Variants in RNF145 observed in about 807,000 individuals in gnomAD.
The protein encoded by RNF145 is ring finger protein 145.
In RNF145, 12 loss-of-function variants were observed where a neutral mutation model predicts 57.3. The ratio of observed to expected loss-of-function variants is 0.21; its 90% confidence interval spans 0.13 to 0.34. The LOEUF (loss-of-function observed/expected upper bound fraction) is 0.34. RNF145 is among the 10% of genes least tolerant of loss of function. The pLI is 1.00. For missense variants in RNF145, 429 were observed against 799.0 expected (o/e 0.54, Z 5.58); for synonymous variants, 262 against 288.3 (o/e 0.91, Z 0.92).
chr5:159,195,688 T>C (rs1011271853), intron 2 of RNF145, among the ~76,000 whole-genome samples: 1 of 152,186 alleles, frequency 6.6e-6, no homozygotes, highest in African/African-American at 2.4e-5. Flanking sequence ...GGAAATTTGG[T>C]TCCTAAACAA....
At chr5:159,163,809 G>A (rs1784307830) in intron 8 of RNF145, among the ~76,000 whole-genome samples, 1 of 152,120 alleles carries the variant, frequency 6.6e-6, no homozygotes, top group Admixed American at 6.5e-5. Context: ...CATAAACCAA[G>A]CTGCTTATTA....
At chr5:159,180,036 T>C (rs1784838583) in intron 4 of RNF145, among the ~76,000 whole-genome samples, 1 of 152,054 alleles carries the variant, frequency 6.6e-6, no homozygotes, top group African/African-American at 2.4e-5. Flanking sequence ...GGCTGGCTTC[T>C]TTCTCTTTTT....
chr5:159,172,429 C>T (rs537082455), intron 6 of RNF145, among the ~76,000 whole-genome samples: 3 of 151,686 alleles, frequency 2.0e-5, no homozygotes, highest in South Asian at 2.1e-4. Flanking sequence ...TGCAGTGAGC[C>T]GAGATTGTGC....
At chr5:159,191,704 A>C (rs953989564) in intron 3 of RNF145, among the ~76,000 whole-genome samples, 1 of 152,212 alleles carries the variant, frequency 6.6e-6, no homozygotes, top group Non-Finnish European at 1.5e-5. Flanking sequence ...AGGCAGGAGA[A>C]TCACTTGAGC....
intron 6 of RNF145, among the ~76,000 whole-genome samples, chr5:159,170,715 C>T (rs1054910779): frequency 6.6e-6 from 1 of 152,180 alleles, no homozygotes; most frequent in African/African-American, 2.4e-5. Flanking sequence ...TCACTTCAGC[C>T]TCCCAAGTAG....
At chr5:159,164,206 AGT>A (rs1449354476) in intron 8 of RNF145, among the ~76,000 whole-genome samples, 1 of 152,160 alleles carries the variant, frequency 6.6e-6, no homozygotes, top group Non-Finnish European at 1.5e-5. Context: ...TACTTTGGAA[AGT>A]GTTTTACATT....
At position 159,176,884 on chromosome 5, in the gene RNF145, A is replaced by G. The variant is rs747851287; in HGVS notation, c.386-17T>C. ...CCAACTGACCTAAAATAGGGAATAG[A>G]ATACATTTAATTTTGAGTATTTGGC... On this transcript the variant is annotated splice_polypyrimidine_tract_variant and intron_variant, in intron 4 of 10. Coordinates refer to ENST00000424310, the MANE Select transcript of RNF145 (RefSeq NM_001199383.2). 6.9e-7 allele frequency: 1 copy of G among 1,459,470 alleles called. No individual in the cohort carries two copies. The highest frequency in any genetic ancestry group is 1.2e-5 in the South Asian group (1 of 81,884). 90.4% of individuals were successfully genotyped at this position (1,459,470 alleles called of 1,614,324 possible).
intron 1 of RNF145, among the ~76,000 whole-genome samples, chr5:159,205,562 A>T (rs1420174532): frequency 6.6e-6 from 1 of 152,212 alleles, no homozygotes; most frequent in Non-Finnish European, 1.5e-5. Context: ...TTGGTGAGCA[A>T]ACTGATAACC....
chr5:159,199,389 G>A (rs1284014258), intron 2 of RNF145, among the ~76,000 whole-genome samples: 9 of 140,874 alleles, frequency 6.4e-5, no homozygotes, highest in Non-Finnish European at 6.2e-5. Flanking sequence ...GAAAAATCAG[G>A]AAAAAAAAAA....
At chr5:159,193,458 T>A (rs1785354371) in intron 3 of RNF145, among the ~76,000 whole-genome samples, 1 of 152,114 alleles carries the variant, frequency 6.6e-6, no homozygotes, top group Admixed American at 6.5e-5. Flanking sequence ...GAGAAACAAT[T>A]AGACAAAACA....
At chr5:159,171,667 G>C (rs1175480593) in intron 6 of RNF145, among the ~76,000 whole-genome samples, 1 of 151,942 alleles carries the variant, frequency 6.6e-6, no homozygotes, top group Non-Finnish European at 1.5e-5. Context: ...TTTGCAGTTT[G>C]ATCTGGTGTG....
intron 2 of RNF145, among the ~76,000 whole-genome samples, chr5:159,197,739 T>C (rs1222211589): frequency 1.3e-5 from 2 of 152,218 alleles, no homozygotes; most frequent in Admixed American, 6.5e-5. Flanking sequence ...GCAAAGCTGT[T>C]AGTTTTTAAA....
chr5:159,169,847 G>T, intron 6 of RNF145, 28 bp from the exon 7 acceptor site: 1 of 1,569,996 alleles, frequency 6.4e-7, no homozygotes, highest in Non-Finnish European at 8.6e-7. Flanking sequence ...GAAATTAACA[G>T]ACATAAACTT....
chr5:159,176,173 T>A (rs551930135), intron 5 of RNF145, among the ~76,000 whole-genome samples: 2 of 152,270 alleles, frequency 1.3e-5, no homozygotes, highest in South Asian at 4.1e-4. Context: ...AGTAGGACTA[T>A]AATCAGAAGG....
intron 3 of RNF145, among the ~76,000 whole-genome samples, chr5:159,191,724 A>G (rs1379520580): frequency 1.3e-5 from 2 of 152,318 alleles, no homozygotes; most frequent in East Asian, 3.9e-4. Flanking sequence ...CCTGGGAGGC[A>G]GAGGTTGCAG....
At chr5:159,163,830 C>G (rs1305169777) in intron 8 of RNF145, among the ~76,000 whole-genome samples, 4 of 152,288 alleles carry the variant, frequency 2.6e-5, no homozygotes, top group East Asian at 1.9e-4. Flanking sequence ...ACTAACTGCC[C>G]TCTCAGCAAA....
In RNF145 at chr5:159,174,053, T is replaced by C. The variant is rs1377939347; in HGVS notation, c.727A>G (p.Ile243Val). Residue 243 changes from isoleucine to valine, a missense_variant, in exon 6 of 11, where the codon ATT becomes GTT. By Grantham distance (29) the Ile-to-Val change is conservative. Around this residue, in one of 4 missense-constraint regions of RNF145, gnomAD observed 216 missense variants for 457.6 expected, o/e 0.47. Coordinates refer to ENST00000424310, the MANE Select transcript of RNF145 (RefSeq NM_001199383.2). ...TCTCGAGTACTGAAATAGGAGTAAA[T>C]CTGAAGAGCAAATAAGACGAGCCAG... ...VFWLVLFALQ[I>V]YSYFSTRDQP... The C allele has an allele frequency of 6.2e-7, 1 of 1,613,536 alleles. No homozygotes were observed. The highest frequency in any genetic ancestry group is 8.5e-7 in the Non-Finnish European group (1 of 1,179,696).
At position 159,158,902 on chromosome 5, in the gene RNF145, A is replaced by G. The variant is rs779256630; in HGVS notation, c.1760T>C (p.Leu587Ser). 25 of 1,613,792 alleles carry G rather than the reference A, an allele frequency of 1.5e-5. No individual in the cohort carries two copies. In the South Asian group the frequency reaches 2.6e-4, roughly 17 times the overall value. Reference sequence around the variant, plus strand: ...AGGCTGTAGAACTGGCTCAGTTCCTAATCCTGGAAGCTGGGAGGAGTTTTT... The same window carrying G: ...AGGCTGTAGAACTGGCTCAGTTCCTGATCCTGGAAGCTGGGAGGAGTTTTT... ...HLKNSSQLPG[L>S]GTEPVLQPHA... Residue 587 changes from leucine to serine, a missense_variant, in exon 11 of 11, where the codon TTA (leucine) becomes TCA (serine). Coordinates refer to ENST00000424310, the MANE Select transcript of RNF145 (RefSeq NM_001199383.2).
chr5:159,208,265 A>G (rs1785972795), intron 1 of RNF145: 1 of 687,238 alleles, frequency 1.5e-6, no homozygotes, highest in Non-Finnish European at 2.0e-6. Context: ...ACGTTCAGCA[A>G]AAACTCTTCC....
Sources: allele counts gnomAD v4.1 joint callset (sites outside exome capture counted in the v4.1 genomes callset), GRCh38; gene constraint gnomAD v4.1.1; regional missense constraint gnomAD v4.1.1; transcripts MANE v1.5; gene names NCBI Gene and HGNC (gene_info 2026-07-23, HGNC 2026-07-21).